Variants in SESTD1 observed in about 807,000 individuals in gnomAD.
SESTD1 encodes the protein SEC14 and spectrin domain containing 1.
In SESTD1, 43 loss-of-function variants were observed where a neutral mutation model predicts 101.7. The observed-to-expected ratio is 0.42, with a 90% confidence interval of 0.33 to 0.55. SESTD1 has a LOEUF of 0.55. SESTD1 is among the 20% of genes least tolerant of loss of function. The probability of loss-of-function intolerance (pLI) is 0.07; values close to 1 mark genes in which losing one functional copy is unlikely to be tolerated. For synonymous variants in SESTD1, 283 were observed against 286.8 expected (o/e 0.99, Z 0.13); for missense variants, 647 against 815.1 (o/e 0.79, Z 2.51).
Position 179,124,337 on chromosome 2 carries a change from AAGAAAAGAATC to A in SESTD1, c.1167+16_1167+26del, listed in dbSNP as rs2044821447. The stretch of plus-strand genomic sequence containing the variant: ...GTAAGTGTTCAGATAATTTGAAGAA[AAGAAAAGAATC>A]AGAATAGACACTTACATCTTGGGCA... On this transcript the variant is annotated intron_variant, in intron 11 of 17. Transcript: ENST00000428443. 6.3e-7 allele frequency: 1 copy of A among 1,585,156 alleles called. No individual in the cohort carries two copies. The highest frequency in any genetic ancestry group is 1.8e-5 in the Admixed American group (1 of 56,236).
At chr2:179,247,978 T>A (rs919141704) in intron 1 of SESTD1, among the ~76,000 whole-genome samples, 1 of 151,708 alleles carries the variant, frequency 6.6e-6, no homozygotes, top group Admixed American at 6.6e-5. Context: ...ATGCATACAT[T>A]AGAAAAGAGA....
At position 179,203,636 on chromosome 2, in the gene SESTD1, C is replaced by G. The variant is rs1383344223; in HGVS notation, c.-25-11770G>C. 3.7e-5 allele frequency among the ~76,000 whole-genome samples: 5 copies of G among 134,878 alleles called. 1 individual carries two copies. The highest frequency in any genetic ancestry group is 1.5e-4 in the African/African-American group (5 of 34,052). The allele number at this position is 134,878 out of a possible 152,430, so 88.5% of individuals were successfully genotyped here. On this transcript the variant is annotated intron_variant, in intron 1 of 17. Transcript: ENST00000428443. ...CATAAATAAATTGTCTTACTGAAGT[C>G]TGTGAGCTATTTTAGTGAATTATCG... is the stretch of plus-strand genomic sequence containing the variant.
intron 9 of SESTD1, among the ~76,000 whole-genome samples, chr2:179,143,054 A>G (rs1477950489): frequency 7.1e-6 from 1 of 140,858 alleles, no homozygotes; most frequent in Non-Finnish European, 1.5e-5. Context: ...TAATCTAAAT[A>G]ACAGAAATGT....
rs150623309 is a variant in SESTD1, at chr2:179,233,094, T to C, written c.-26+31405A>G. Among the ~76,000 whole-genome samples, 5 of 152,224 alleles carry C rather than the reference T, an allele frequency of 3.3e-5. 1 individual carries two copies. The East Asian group carries it at 9.7e-4, about 29-fold the overall frequency. ...ATGGAAATCAAACAAAACAAATGTC[T>C]CTATTGGTATTTCAAATGACTCAGG... is the stretch of plus-strand genomic sequence containing the variant. On this transcript the variant is annotated intron_variant, in intron 1 of 17. Transcript: ENST00000428443.
intron 1 of SESTD1, among the ~76,000 whole-genome samples, chr2:179,214,480 G>C (rs7595627): frequency 0.14 from 18,883 of 133,434 alleles, 7,133 homozygotes; most frequent in African/African-American, 0.54. Flanking sequence ...GGAGCACCCA[G>C]ATTCATAAAG....
intron 1 of SESTD1, among the ~76,000 whole-genome samples, chr2:179,198,114 G>A (rs1456018297): frequency 6.6e-6 from 1 of 152,154 alleles, no homozygotes; most frequent in African/African-American, 2.4e-5. Context: ...GATGGAGGAA[G>A]ATCTACCAAG....
intron 5 of SESTD1, among the ~76,000 whole-genome samples, chr2:179,157,571 G>C (rs1420452628): frequency 1.3e-5 from 2 of 152,076 alleles, no homozygotes; most frequent in Non-Finnish European, 2.9e-5. Context: ...ATAAATCACA[G>C]GATGAGTTAT....
chr2:179,123,924 A>G (rs1233871862), intron 11 of SESTD1, 95 bp from the exon 12 acceptor site: 5 of 866,868 alleles, frequency 5.8e-6, no homozygotes, highest in Non-Finnish European at 9.4e-6. Context: ...AGGTTATCAC[A>G]ATTACACTTG....
At chr2:179,240,696 A>G (rs1380968679) in intron 1 of SESTD1, among the ~76,000 whole-genome samples, 5 of 152,200 alleles carry the variant, frequency 3.3e-5, no homozygotes, top group African/African-American at 1.2e-4. Context: ...ACCCTCACCC[A>G]TGCCAGAAGG....
At chr2:179,200,848 G>C (rs2046498576) in intron 1 of SESTD1, among the ~76,000 whole-genome samples, 1 of 134,114 alleles carries the variant, frequency 7.5e-6, no homozygotes, top group African/African-American at 3.0e-5. Flanking sequence ...TTACCATTCA[G>C]GACATAGGCA....
chr2:179,130,243 T>A (rs1330982051), intron 10 of SESTD1, among the ~76,000 whole-genome samples: 1 of 152,250 alleles, frequency 6.6e-6, no homozygotes, highest in South Asian at 2.1e-4. Flanking sequence ...GTCTTAACAA[T>A]AGTCCAACTA....
At chr2:179,259,872 C>A (rs1257038166) in intron 1 of SESTD1, among the ~76,000 whole-genome samples, 2 of 152,186 alleles carry the variant, frequency 1.3e-5, no homozygotes, top group East Asian at 1.9e-4. Context: ...AGTGACAACA[C>A]AAGATTCATC....
chr2:179,134,643 A>G (rs568300476), intron 9 of SESTD1, among the ~76,000 whole-genome samples: 131 of 152,246 alleles, frequency 8.6e-4, no homozygotes, highest in African/African-American at 3.1e-3. Flanking sequence ...AAAGGTTTCC[A>G]ATAGAGATTG....
At chr2:179,147,172 C>T (rs1018955317) in intron 7 of SESTD1, among the ~76,000 whole-genome samples, 6 of 150,792 alleles carry the variant, frequency 4.0e-5, no homozygotes, top group African/African-American at 1.5e-4. Context: ...AAAAAACAGA[C>T]AGCTGATAAA....
At chr2:179,230,113 CTT>C (rs71023474) in intron 1 of SESTD1, among the ~76,000 whole-genome samples, 44 of 56,394 alleles carry the variant, frequency 7.8e-4, no homozygotes, top group Non-Finnish European at 1.1e-3. Flanking sequence ...GATTGTATCT[CTT>C]TTTTTTTTTT....
chr2:179,187,329 C>A (rs959678203), intron 2 of SESTD1, among the ~76,000 whole-genome samples: 2 of 151,652 alleles, frequency 1.3e-5, no homozygotes, highest in Non-Finnish European at 2.9e-5. Context: ...AAGATGGATC[C>A]AAAAAAAAGA....
chr2:179,165,849 G>C lies in SESTD1; in HGVS notation c.369+6271C>G, dbSNP rs903726117. On this transcript the variant is annotated intron_variant, in intron 5 of 17. Coordinates refer to ENST00000428443, the MANE Select transcript of SESTD1 (RefSeq NM_178123.5). The stretch of plus-strand genomic sequence containing the variant: ...AAGAGAAAAGTGGGAAAAAATTCTG[G>C]CATCTACTTAGGATGTAGAAAGTTG... 3.3e-5 allele frequency among the ~76,000 whole-genome samples: 5 copies of C among 152,252 alleles called. No homozygotes were observed. In the East Asian group the frequency reaches 9.7e-4, roughly 29 times the overall value.
chr2:179,229,572 T>C (rs1444423524), intron 1 of SESTD1, among the ~76,000 whole-genome samples: 1 of 151,932 alleles, frequency 6.6e-6, no homozygotes, highest in African/African-American at 2.4e-5. Context: ...TATGTAACTC[T>C]CCATCCTTTT....
intron 1 of SESTD1, among the ~76,000 whole-genome samples, chr2:179,236,487 A>T (rs1366637346): frequency 6.6e-6 from 1 of 152,098 alleles, no homozygotes; most frequent in Non-Finnish European, 1.5e-5. Context: ...ACACAGAGAG[A>T]TCCTGTATCT....
Sources: allele counts gnomAD v4.1 joint callset (sites outside exome capture counted in the v4.1 genomes callset), GRCh38; gene constraint gnomAD v4.1.1; transcripts MANE v1.5; gene names NCBI Gene and HGNC (gene_info 2026-07-23, HGNC 2026-07-21).